The following ETV6 variants were observed in gnomAD, a reference collection of about 807,000 sequenced individuals.
The protein encoded by ETV6 is ETS variant transcription factor 6, also known as transcription factor ETV6.
ETV6 carries 16 observed loss-of-function variants against 51.1 expected under a neutral mutation model. The observed-to-expected ratio is 0.31, with a 90% confidence interval of 0.21 to 0.48. The LOEUF (loss-of-function observed/expected upper bound fraction) is 0.48, where lower values mean the gene tolerates loss of function less well. Among genes scored for constraint, ETV6 ranks in the 20% least tolerant of loss-of-function variants. The probability of loss-of-function intolerance (pLI) is 0.99; values close to 1 mark genes in which losing one functional copy is unlikely to be tolerated. For synonymous variants in ETV6, 240 were observed against 224.1 expected (o/e 1.07, Z -0.64); for missense variants, 458 against 594.8 (o/e 0.77, Z 2.39).
chr12:11,655,398 A>G (rs1863982517), intron 1 of ETV6, among the ~76,000 whole-genome samples: 1 of 152,222 alleles, frequency 6.6e-6, no homozygotes, highest in Admixed American at 6.5e-5. Context: ...AAAGGGACCC[A>G]GCTTAAAGAC....
intron 1 of ETV6, among the ~76,000 whole-genome samples, chr12:11,743,788 C>T (rs1307599462): frequency 2.0e-5 from 3 of 152,100 alleles, no homozygotes; most frequent in Non-Finnish European, 2.9e-5. Context: ...GAGTCTGAGC[C>T]GTCGCTTTTC....
In ETV6 at chr12:11,884,493, G is replaced by T; in HGVS notation, c.1058G>T (p.Arg353Leu). 6.2e-7 allele frequency: 1 copy of T among 1,614,118 alleles called. No homozygotes were observed. The highest frequency in any genetic ancestry group is 8.5e-7 in the Non-Finnish European group (1 of 1,180,020). ...DYVYQLLSDSRYENFIRWEDK... is the reference protein window; with the variant it reads ...DYVYQLLSDSLYENFIRWEDK... ...GTCTATCAGTTGCTTTCTGACAGCCGGTACGAAAACTTCATCCGATGGGAG... is the reference window on the plus strand; with the variant it reads ...GTCTATCAGTTGCTTTCTGACAGCCTGTACGAAAACTTCATCCGATGGGAG... The change falls in exon 6 of 8, where the codon CGG (arginine) becomes CTG (leucine). Residue 353 changes from arginine to leucine, a missense_variant. Arg to Leu is a moderately radical substitution (Grantham distance 102, BLOSUM62 -2). Transcript: ENST00000396373.
Position 11,650,351 on chromosome 12 carries a change from C to CA in ETV6, c.33+192dup, listed in dbSNP as rs71057757. Among the ~76,000 whole-genome samples the CA allele has an allele frequency of 1.6e-3, 244 of 149,086 alleles. 7 individuals are homozygous for CA. Among genetic ancestry groups the CA allele is most frequent in the East Asian group, 8.7e-3 (44 of 5,034 alleles). On this transcript the variant is annotated intron_variant, in intron 1 of 7. Transcript: ENST00000396373. The stretch of plus-strand genomic sequence containing the variant: ...TTAGCGTAACCTTGCTACTCCCCCC[C>CA]ACCGCCGAGCCCCTGCCGGCTCCTC...
intron 2 of ETV6, among the ~76,000 whole-genome samples, chr12:11,777,239 CAAAAAA>C (rs5796465): frequency 7.0e-4 from 55 of 78,880 alleles, no homozygotes; most frequent in Middle Eastern, 6.8e-3. Context: ...GACTCCGTGT[CAAAAAA>C]AAAAAAAAAA....
chr12:11,874,876 T>C (rs1343059035), intron 5 of ETV6, among the ~76,000 whole-genome samples: 1 of 132,328 alleles, frequency 7.6e-6, no homozygotes, highest in African/African-American at 2.9e-5. Context: ...AAGGGGAACA[T>C]CACACACCGG....
chr12:11,864,217 G>T (rs1490646130), intron 4 of ETV6, among the ~76,000 whole-genome samples: 1 of 152,052 alleles, frequency 6.6e-6, no homozygotes, highest in Non-Finnish European at 1.5e-5. Flanking sequence ...TCCTCTCCTG[G>T]TCCTCCCAGA....
At chr12:11,807,079 G>A (rs959521919) in intron 2 of ETV6, among the ~76,000 whole-genome samples, 4 of 152,224 alleles carry the variant, frequency 2.6e-5, no homozygotes, top group Non-Finnish European at 5.9e-5. Context: ...CAGATTCTGA[G>A]GGTCACAAAC....
Position 11,869,883 on chromosome 12 carries a change from A to G in ETV6, c.923A>G (p.His308Arg). 6.2e-7 allele frequency: 1 copy of G among 1,612,710 alleles called. No individual in the cohort carries two copies. Among genetic ancestry groups the G allele is most frequent in the East Asian group, 2.2e-5 (1 of 44,868 alleles). The change falls in exon 5 of 8, where the codon CAT (histidine) becomes CGT (arginine). Residue 308 changes from histidine to arginine, a missense_variant. Coordinates refer to ENST00000396373, the MANE Select transcript of ETV6 (RefSeq NM_001987.5). This position sits in a 1 kb window ranked among gnomAD's most constrained non-coding sequence, Gnocchi z 5.0. The stretch of plus-strand genomic sequence containing the variant: ...GAAGGGAAGCCCATCAACCTCTCTC[A>G]TCGGGAAGACCTGGCTTACATGAAC... ...HREGKPINLSHREDLAYMNHI... is the reference protein window; with the variant it reads ...HREGKPINLSRREDLAYMNHI...
At chr12:11,758,783 A>C (rs1247271533) in intron 2 of ETV6, among the ~76,000 whole-genome samples, 1 of 152,234 alleles carries the variant, frequency 6.6e-6, no homozygotes, top group Non-Finnish European at 1.5e-5. Flanking sequence ...AGACAAGGAC[A>C]AGGAGAAGAG....
At chr12:11,654,543 C>T (rs1428446120) in intron 1 of ETV6, among the ~76,000 whole-genome samples, 2 of 152,116 alleles carry the variant, frequency 1.3e-5, no homozygotes, top group African/African-American at 2.4e-5. Context: ...CCATTTTAAT[C>T]ACAAGCCAGC....
rs1420402461 is a variant in ETV6 at position 11,892,227 on chromosome 12, T to C, written c.*1181T>C. ...CTCACCTGATTTTTTTTTTTTTTTT[T>C]TTTTTTCAATTCCTAACCTTTTTTA... On this transcript the variant is annotated 3_prime_UTR_variant, in exon 8 of 8. Coordinates refer to ENST00000396373, the MANE Select transcript of ETV6 (RefSeq NM_001987.5). 1 of 229,554 alleles carries C rather than the reference T, an allele frequency of 4.4e-6. No individual in the cohort carries two copies. Among genetic ancestry groups the C allele is most frequent in the Non-Finnish European group, 8.6e-6 (1 of 116,614 alleles). 14.2% of individuals were successfully genotyped at this position (229,554 alleles called of 1,614,324 possible).
chr12:11,870,064 C>A, intron 5 of ETV6, 95 bp downstream of exon 5: 1 of 1,406,348 alleles, frequency 7.1e-7, no homozygotes, highest in Non-Finnish European at 9.5e-7. Context: ...CGCACCATTC[C>A]CAATTAGGCG....
chr12:11,830,848 CT>C (rs1946233632), intron 2 of ETV6, among the ~76,000 whole-genome samples: 1 of 152,112 alleles, frequency 6.6e-6, no homozygotes, highest in Non-Finnish European at 1.5e-5. Context: ...CTAATTTGCA[CT>C]CAAATCTGAC....
intron 2 of ETV6, among the ~76,000 whole-genome samples, chr12:11,822,772 A>G (rs1341218666): frequency 6.6e-6 from 1 of 152,240 alleles, no homozygotes; most frequent in Non-Finnish European, 1.5e-5. Flanking sequence ...AAGTGATAGA[A>G]TGTTTGAGCT....
intron 2 of ETV6, among the ~76,000 whole-genome samples, chr12:11,818,144 TAAGG>T (rs1473306158): frequency 6.6e-6 from 1 of 152,206 alleles, no homozygotes; most frequent in Non-Finnish European, 1.5e-5. Context: ...GGCCAGGTGA[TAAGG>T]AAGTTGAATG....
intron 1 of ETV6, among the ~76,000 whole-genome samples, chr12:11,724,888 C>A (rs568597931): frequency 6.6e-6 from 1 of 152,196 alleles, no homozygotes; most frequent in African/African-American, 2.4e-5. Flanking sequence ...CTGAATAAAT[C>A]GCAACAGAGT....
At chr12:11,820,925 G>A (rs78964385) in intron 2 of ETV6, among the ~76,000 whole-genome samples, 5,873 of 152,266 alleles carry the variant, frequency 0.039, 133 homozygotes, top group East Asian at 0.1. Context: ...ACCAGTCAGG[G>A]ACCAGTAACA....
At position 11,891,056 on chromosome 12, in the gene ETV6, C is replaced by T; in HGVS notation, c.*10C>T. Reference sequence around the variant, plus strand: ...AGAAGATGAATGCTGAAGGAACCAACAGTCCACCTCAGCGGGCCAGCAGCC... The same window carrying T: ...AGAAGATGAATGCTGAAGGAACCAATAGTCCACCTCAGCGGGCCAGCAGCC... On this transcript the variant is annotated 3_prime_UTR_variant, in exon 8 of 8. Coordinates refer to ENST00000396373, the MANE Select transcript of ETV6 (RefSeq NM_001987.5). The T allele has an allele frequency of 6.2e-7, 1 of 1,600,864 alleles. No homozygotes were observed. Among genetic ancestry groups the T allele is most frequent in the Non-Finnish European group, 8.6e-7 (1 of 1,168,272 alleles).
At chr12:11,692,434 A>G (rs1864785472) in intron 1 of ETV6, among the ~76,000 whole-genome samples, 1 of 152,176 alleles carries the variant, frequency 6.6e-6, no homozygotes, top group Non-Finnish European at 1.5e-5. Flanking sequence ...AAGACGGACT[A>G]CATATCTTAT....
Sources: gnomAD v4.1 joint callset for allele counts (sites outside exome capture counted in the v4.1 genomes callset) on GRCh38, gnomAD v4.1.1 for gene constraint, Gnocchi (gnomAD v3.1) non-coding constraint, MANE v1.5 for transcripts, NCBI Gene and HGNC (gene_info 2026-07-23, HGNC 2026-07-21) for gene names.